The following MAST4 variants were observed in gnomAD, a reference collection of about 807,000 sequenced individuals.
The protein encoded by MAST4 is microtubule-associated serine/threonine-protein kinase 4.
Under a neutral mutation model 162.7 loss-of-function variants are expected in MAST4, and 89 were observed. The ratio of observed to expected loss-of-function variants is 0.55; its 90% CI spans 0.46 to 0.65. The LOEUF (loss-of-function observed/expected upper bound fraction) is 0.65. Among genes scored for constraint, MAST4 ranks in the 30% least tolerant of loss-of-function variants. The pLI is 0.00. For synonymous variants in MAST4, 1,479 were observed against 1,361.1 expected (o/e 1.09, Z -1.91); for missense variants, 3,153 against 3,374.0 (o/e 0.93, Z 1.62).
intron 4 of MAST4, among the ~76,000 whole-genome samples, chr5:66,958,429 A>G (rs865905463): frequency 2.6e-5 from 4 of 152,168 alleles, no homozygotes; most frequent in Non-Finnish European, 5.9e-5. Context: ...TTCAAAATTC[A>G]TGTTCTTTCT....
rs1671226542 is a variant in MAST4, at chr5:66,838,385, T to G, written c.642+49591T>G. Among the ~76,000 whole-genome samples, 6 of 152,288 alleles carry G rather than the reference T, an allele frequency of 3.9e-5. No individual in the cohort carries two copies. In the South Asian group the frequency reaches 1.2e-3, roughly 32 times the overall value. On this transcript the variant is annotated intron_variant, in intron 3 of 28. Transcript: ENST00000403625. ...ACAGAACCCCATTCTTTGCTTTTCT[T>G]TCAATAAATGTTTAATGATAATAAT...
intron 4 of MAST4, among the ~76,000 whole-genome samples, chr5:67,010,445 G>A (rs961588313): frequency 4.6e-5 from 7 of 152,148 alleles, no homozygotes; most frequent in Non-Finnish European, 1.0e-4. Flanking sequence ...TTGGGGACAG[G>A]CATCTGGGAA....
At chr5:66,703,245 T>C (rs1749897646) in intron 1 of MAST4, among the ~76,000 whole-genome samples, 1 of 152,172 alleles carries the variant, frequency 6.6e-6, no homozygotes, top group African/African-American at 2.4e-5. Flanking sequence ...GGGAAGAAGA[T>C]GACGCTGACA....
intron 3 of MAST4, among the ~76,000 whole-genome samples, chr5:66,790,331 A>G (rs1181796083): frequency 6.6e-6 from 1 of 151,960 alleles, no homozygotes; most frequent in Non-Finnish European, 1.5e-5. Context: ...CTCTCATCTC[A>G]TTTGTACTTG....
intron 6 of MAST4, among the ~76,000 whole-genome samples, chr5:67,091,157 A>G (rs1763826366): frequency 6.6e-6 from 1 of 152,230 alleles, no homozygotes; most frequent in Non-Finnish European, 1.5e-5. Context: ...GTTCTTACAC[A>G]TGTGACTAAC....
chr5:66,745,738 G>A (rs1752717443), intron 1 of MAST4, among the ~76,000 whole-genome samples: 1 of 152,206 alleles, frequency 6.6e-6, no homozygotes, highest in African/African-American at 2.4e-5. Flanking sequence ...TGTCTTAATG[G>A]TTGTGGTTTT....
At chr5:66,965,691 G>A (rs984430147) in intron 4 of MAST4, among the ~76,000 whole-genome samples, 3 of 151,948 alleles carry the variant, frequency 2.0e-5, no homozygotes, top group Non-Finnish European at 4.4e-5. Flanking sequence ...TAGGACATAG[G>A]ATAGGTGAAA....
chr5:66,638,410 C>G (rs1021200182), intron 1 of MAST4, among the ~76,000 whole-genome samples: 1 of 152,216 alleles, frequency 6.6e-6, no homozygotes, highest in African/African-American at 2.4e-5. Flanking sequence ...ACTCCTGCCT[C>G]TCTCCCCTCA....
chr5:67,151,837 G>A (rs546070263), intron 24 of MAST4, among the ~76,000 whole-genome samples: 3 of 145,412 alleles, frequency 2.1e-5, no homozygotes, highest in Admixed American at 7.2e-5. Context: ...GCACAGTCAC[G>A]GCTCACTGCA....
At chr5:66,826,211 A>T (rs891899693) in intron 3 of MAST4, among the ~76,000 whole-genome samples, 1 of 151,964 alleles carries the variant, frequency 6.6e-6, no homozygotes, top group African/African-American at 2.4e-5. Context: ...TCTCAAAATG[A>T]TACATTTTGA....
intron 4 of MAST4, among the ~76,000 whole-genome samples, chr5:66,975,571 G>A (rs931016932): frequency 6.6e-6 from 1 of 152,160 alleles, no homozygotes; most frequent in African/African-American, 2.4e-5. Context: ...AGACCACTGT[G>A]GCAGGAGAGA....
rs75966073 is a variant in MAST4 at position 67,154,950 on chromosome 5, G to A, written c.3648+1370G>A. The stretch of plus-strand genomic sequence containing the variant: ...GTGTGCCTTCATTGGTTTAACAGCA[G>A]GGAAGTTGGCTGTATTATGGTACTC... On this transcript the variant is annotated intron_variant, in intron 26 of 28. Transcript: ENST00000403625. Among the ~76,000 whole-genome samples the A allele has an allele frequency of 4.6e-3, 703 of 152,296 alleles. 6 individuals are homozygous for A. Among genetic ancestry groups the A allele is most frequent in the African/African-American group, 0.016 (669 of 41,552 alleles).
chr5:66,810,196 G>C (rs1756408590), intron 3 of MAST4, among the ~76,000 whole-genome samples: 5 of 152,172 alleles, frequency 3.3e-5, no homozygotes, highest in Admixed American at 3.3e-4. Flanking sequence ...TCTTCTCCTG[G>C]TGTTTAGTCA....
chr5:66,998,151 C>G lies in MAST4; in HGVS notation c.675-56253C>G, dbSNP rs566315953. Among the ~76,000 whole-genome samples the G allele has an allele frequency of 1.8e-3, 280 of 152,318 alleles. 2 individuals carry two copies. Among genetic ancestry groups the G allele is most frequent in the African/African-American group, 6.5e-3 (269 of 41,560 alleles). ...TACAGAAAGGTCTTAGTGTCAGCTA[C>G]GAAAGGGCTAAATATAACCATGCTG... is the stretch of plus-strand genomic sequence containing the variant. On this transcript the variant is annotated intron_variant, in intron 4 of 28. Coordinates refer to ENST00000403625, the MANE Select transcript of MAST4 (RefSeq NM_001164664.2).
intron 4 of MAST4, among the ~76,000 whole-genome samples, chr5:66,991,755 C>T (rs1301611684): frequency 2.0e-5 from 3 of 152,198 alleles, no homozygotes; most frequent in Non-Finnish European, 4.4e-5. Context: ...CTGGCAGTAT[C>T]TGATGCCACT....
chr5:66,900,034 A>G, intron 4 of MAST4, 52 bp downstream of exon 4: 1 of 1,260,700 alleles, frequency 7.9e-7, no homozygotes, highest in Non-Finnish European at 1.1e-6. Context: ...TATATAGTTT[A>G]TAGTATGATT....
At chr5:66,900,768 A>T (rs1216603271) in intron 4 of MAST4, among the ~76,000 whole-genome samples, 1 of 152,128 alleles carries the variant, frequency 6.6e-6, no homozygotes, top group Non-Finnish European at 1.5e-5. Flanking sequence ...CTCTTGGAGG[A>T]TTAGAAAAAT....
intron 4 of MAST4, among the ~76,000 whole-genome samples, chr5:66,979,067 A>G (rs1039786265): frequency 6.6e-6 from 1 of 152,210 alleles, no homozygotes; most frequent in African/African-American, 2.4e-5. Flanking sequence ...CTTTTTACGC[A>G]GATTGGGAGA....
At chr5:66,941,809 A>G (rs182424190) in intron 4 of MAST4, among the ~76,000 whole-genome samples, 77 of 152,218 alleles carry the variant, frequency 5.1e-4, no homozygotes, top group African/African-American at 1.8e-3. Context: ...TCACTTGAAC[A>G]CTTAGAAGCC....
Sources: gnomAD v4.1 joint callset for allele counts (sites outside exome capture counted in the v4.1 genomes callset) on GRCh38, gnomAD v4.1.1 for gene constraint, MANE v1.5 for transcripts, NCBI Gene and HGNC (gene_info 2026-07-23, HGNC 2026-07-21) for gene names.